The following TRAF3 variants were observed in gnomAD, a reference collection of about 807,000 sequenced individuals.
TRAF3 encodes TNF receptor associated factor 3, also known as TNF receptor-associated factor 3.
A neutral mutation model predicts 62.3 loss-of-function variants in TRAF3; 13 were observed. The observed-to-expected ratio is 0.21, with a 90% CI of 0.14 to 0.33. The LOEUF (loss-of-function observed/expected upper bound fraction) is 0.33. TRAF3 is among the 10% of genes least tolerant of loss of function. The probability of loss-of-function intolerance (pLI) is 1.00; values close to 1 mark genes in which losing one functional copy is unlikely to be tolerated. For missense variants in TRAF3, 440 were observed against 741.8 expected (o/e 0.59, Z 4.73); for synonymous variants, 269 against 283.4 (o/e 0.95, Z 0.51).
chr14:102,889,619 T>C lies in TRAF3; in HGVS notation c.711T>C (p.Tyr237=). ...CCAGCACCTGTAGTTTTAAGCGCTA[T>C]GGCTGCGTTTTTCAGGTCAGTATCC... The part of the protein sequence containing the change: ...NAPSTCSFKR[Y]GCVFQGTNQQ... The change falls in exon 8 of 12, where the codon TAT becomes TAC. Residue 237 remains tyrosine, a synonymous_variant. Transcript: ENST00000392745. 1 of 1,614,236 alleles carries C rather than the reference T, an allele frequency of 6.2e-7. No homozygotes were observed. Among genetic ancestry groups the C allele is most frequent in the Non-Finnish European group, 8.5e-7 (1 of 1,180,036 alleles).
At chr14:102,802,442 C>T (rs1898500651) in intron 1 of TRAF3, among the ~76,000 whole-genome samples, 1 of 148,456 alleles carries the variant, frequency 6.7e-6, no homozygotes, top group Non-Finnish European at 1.5e-5. Flanking sequence ...GCGTGAGCCA[C>T]CACGCCCAGC....
intron 1 of TRAF3, among the ~76,000 whole-genome samples, chr14:102,820,120 CCCTTT>C (rs1470627996): frequency 2.6e-5 from 4 of 152,196 alleles, no homozygotes; most frequent in African/African-American, 9.7e-5. Context: ...TGTCATCTCC[CCCTTT>C]CCTTTGCGAG....
chr14:102,816,632 C>A (rs1261010789), intron 1 of TRAF3, among the ~76,000 whole-genome samples: 1 of 152,080 alleles, frequency 6.6e-6, no homozygotes, highest in Non-Finnish European at 1.5e-5. Flanking sequence ...TTCTGTTGGA[C>A]CAGAGGTATT....
chr14:102,848,481 G>A (rs1429878693), intron 2 of TRAF3, among the ~76,000 whole-genome samples: 6 of 152,172 alleles, frequency 3.9e-5, no homozygotes, highest in African/African-American at 1.4e-4. Context: ...ATAAGTATAA[G>A]AAGTTTGAAA....
At chr14:102,795,770 G>T (rs1361183965) in intron 1 of TRAF3, among the ~76,000 whole-genome samples, 1 of 152,100 alleles carries the variant, frequency 6.6e-6, no homozygotes, top group East Asian at 1.9e-4. Context: ...TCCAGAGAGG[G>T]CCCTGCCTCA....
At chr14:102,850,423 G>C (rs1409286175) in intron 2 of TRAF3, among the ~76,000 whole-genome samples, 1 of 152,106 alleles carries the variant, frequency 6.6e-6, no homozygotes, top group Non-Finnish European at 1.5e-5. Context: ...CAGGCCGAGC[G>C]TGCTGGCTCA....
At chr14:102,891,920 A>T (rs1291900702) in intron 9 of TRAF3, among the ~76,000 whole-genome samples, 1 of 152,270 alleles carries the variant, frequency 6.6e-6, no homozygotes, top group East Asian at 1.9e-4. Context: ...TGTGTTTTTT[A>T]CAAGAGACAA....
rs955371622 is a variant in TRAF3 at position 102,789,976 on chromosome 14, C to T, written c.-157+12301C>T. On this transcript the variant is annotated intron_variant, in intron 1 of 11. Transcript: ENST00000392745. The stretch of plus-strand genomic sequence containing the variant: ...CTGAGTAACTGGGACTACAGGCACA[C>T]GCCACCATGCCTGGCTAATTTTTGT... 5.3e-5 allele frequency among the ~76,000 whole-genome samples: 8 copies of T among 151,934 alleles called. No homozygotes were observed. The South Asian group carries it at 8.3e-4, about 16-fold the overall frequency.
intron 2 of TRAF3, among the ~76,000 whole-genome samples, chr14:102,861,331 G>C (rs1020100021): frequency 6.6e-6 from 1 of 152,300 alleles, no homozygotes; most frequent in South Asian, 2.1e-4. Context: ...GTTCTTAGTC[G>C]AGAGGGACTC....
chr14:102,782,045 C>T (rs186261702), intron 1 of TRAF3, among the ~76,000 whole-genome samples: 8 of 152,214 alleles, frequency 5.3e-5, no homozygotes, highest in African/African-American at 1.9e-4. Context: ...CCACCTGCCT[C>T]GGCCTCCCAA....
chr14:102,869,857 C>G (rs1048046123), intron 2 of TRAF3, among the ~76,000 whole-genome samples: 5 of 151,754 alleles, frequency 3.3e-5, no homozygotes, highest in African/African-American at 1.2e-4. Flanking sequence ...GTTGCTCAGC[C>G]TAGAGTGCAG....
At chr14:102,845,970 G>A (rs1329510916) in intron 2 of TRAF3, among the ~76,000 whole-genome samples, 1 of 108,020 alleles carries the variant, frequency 9.3e-6, no homozygotes, top group Non-Finnish European at 1.8e-5. Context: ...GACAGAGGTC[G>A]ACCGTGTCTC....
intron 1 of TRAF3, among the ~76,000 whole-genome samples, chr14:102,823,625 C>G (rs2139592149): frequency 6.6e-6 from 1 of 152,268 alleles, no homozygotes; most frequent in Admixed American, 6.5e-5. Flanking sequence ...TGGAAACTTG[C>G]AGTAACGTTT....
At chr14:102,831,021 A>G (rs761743930) in intron 2 of TRAF3, among the ~76,000 whole-genome samples, 4 of 152,200 alleles carry the variant, frequency 2.6e-5, no homozygotes, top group Non-Finnish European at 4.4e-5. Flanking sequence ...TTAATTTTCC[A>G]ATCTTGAAAG....
At chr14:102,825,826 T>G (rs1026452485) in intron 1 of TRAF3, among the ~76,000 whole-genome samples, 1 of 152,202 alleles carries the variant, frequency 6.6e-6, no homozygotes, top group African/African-American at 2.4e-5. Flanking sequence ...TGATGAAAGT[T>G]CCTCTGAGGC....
At chr14:102,899,508 C>T (rs1233443568) in intron 10 of TRAF3, among the ~76,000 whole-genome samples, 1 of 152,196 alleles carries the variant, frequency 6.6e-6, no homozygotes, top group Non-Finnish European at 1.5e-5. Context: ...AGCTTCGCCC[C>T]ACTCCCTGCG....
intron 2 of TRAF3, among the ~76,000 whole-genome samples, chr14:102,852,429 C>T (rs1230020406): frequency 4.6e-5 from 7 of 152,210 alleles, no homozygotes; most frequent in Non-Finnish European, 1.0e-4. Flanking sequence ...TCCAGTGCGG[C>T]CTGCTTGCTG....
In TRAF3 at chr14:102,850,379, A is replaced by C. The variant is rs557141016; in HGVS notation, c.-17-19806A>C. 2.7e-3 allele frequency among the ~76,000 whole-genome samples: 413 copies of C among 152,286 alleles called. 4 individuals carry two copies. The highest frequency in any genetic ancestry group is 5.1e-3 in the Non-Finnish European group (347 of 68,002). On this transcript the variant is annotated intron_variant, in intron 2 of 11. Transcript: ENST00000392745. Reference sequence around the variant, plus strand: ...CAGTAAGTAAAGTAATAGAGTAAAAATTCTGCTTAAAGAAGACTGCAGAAT... The same window carrying C: ...CAGTAAGTAAAGTAATAGAGTAAAACTTCTGCTTAAAGAAGACTGCAGAAT...
At chr14:102,807,814 G>A (rs1898864752) in intron 1 of TRAF3, among the ~76,000 whole-genome samples, 1 of 152,220 alleles carries the variant, frequency 6.6e-6, no homozygotes, top group Non-Finnish European at 1.5e-5. Context: ...CACACAGAAA[G>A]GTAGGCGCAT....
Sources: gnomAD v4.1 joint callset for allele counts (sites outside exome capture counted in the v4.1 genomes callset) on GRCh38, gnomAD v4.1.1 for gene constraint, MANE v1.5 for transcripts, NCBI Gene and HGNC (gene_info 2026-07-23, HGNC 2026-07-21) for gene names.